The following TTC39B variants were observed in gnomAD, a reference collection of about 807,000 sequenced individuals.
The protein encoded by TTC39B is tetratricopeptide repeat domain 39B, also known as tetratricopeptide repeat protein 39B.
TTC39B carries 92 observed loss-of-function variants against 96.6 expected under a neutral mutation model. The observed-to-expected ratio is 0.95, with a 90% confidence interval of 0.80 to 1.13. TTC39B has a LOEUF of 1.13. Ranked by LOEUF, TTC39B falls within the 50% of genes most tolerant of loss-of-function variation. TTC39B has a pLI of 0.00. For synonymous variants in TTC39B, 367 were observed against 299.4 expected (o/e 1.23, Z -2.33); for missense variants, 955 against 809.3 (o/e 1.18, Z -2.18).
chr9:15,182,127 A>C (rs912885140), intron 17 of TTC39B, among the ~76,000 whole-genome samples, 180 bp downstream of exon 17: 1 of 152,156 alleles, frequency 6.6e-6, no homozygotes, highest in African/African-American at 2.4e-5. Flanking sequence ...AGGTTCATGC[A>C]GTTGCAGTGT....
At chr9:15,190,524 T>C (rs772498387) in intron 11 of TTC39B, 30 bp downstream of exon 11, 1 of 1,588,744 alleles carries the variant, frequency 6.3e-7, no homozygotes, top group Non-Finnish European at 8.6e-7. Flanking sequence ...ACAATCAATG[T>C]TCAATGAAAC....
chr9:15,235,001 G>C (rs1747435427), intron 2 of TTC39B, among the ~76,000 whole-genome samples: 1 of 110,668 alleles, frequency 9.0e-6, no homozygotes, highest in Non-Finnish European at 2.0e-5. Flanking sequence ...ATCCCCCTCT[G>C]TGAGAAACAC....
chr9:15,304,142 G>A (rs980790629), intron 1 of TTC39B, among the ~76,000 whole-genome samples: 1 of 152,142 alleles, frequency 6.6e-6, no homozygotes, highest in Admixed American at 6.5e-5. Flanking sequence ...CCCAATGGTA[G>A]CCCATAAGTA....
intron 1 of TTC39B, among the ~76,000 whole-genome samples, chr9:15,293,943 T>C (rs1177279458): frequency 6.6e-6 from 1 of 152,188 alleles, no homozygotes. Flanking sequence ...GTCACTTTCC[T>C]TTCTCTGTCC....
chr9:15,280,332 C>T (rs1345863167), intron 1 of TTC39B, among the ~76,000 whole-genome samples: 4 of 152,200 alleles, frequency 2.6e-5, no homozygotes, highest in Admixed American at 1.3e-4. Context: ...AAAATATTTA[C>T]GCTGTCCCTT....
chr9:15,288,176 T>C (rs922882742), intron 1 of TTC39B, among the ~76,000 whole-genome samples: 1 of 152,016 alleles, frequency 6.6e-6, no homozygotes, highest in Admixed American at 6.6e-5. Context: ...GAAATACCAA[T>C]ACATCCATAT....
At chr9:15,293,996 C>T (rs1357504006) in intron 1 of TTC39B, among the ~76,000 whole-genome samples, 1 of 152,232 alleles carries the variant, frequency 6.6e-6, no homozygotes, top group Non-Finnish European at 1.5e-5. Context: ...AGTCTCCGAG[C>T]CTGCTCTGGC....
chr9:15,234,774 G>T (rs1209581429), intron 2 of TTC39B, among the ~76,000 whole-genome samples: 1 of 151,660 alleles, frequency 6.6e-6, no homozygotes, highest in Non-Finnish European at 1.5e-5. Context: ...TCCACTCAGG[G>T]TTAAATGGAT....
chr9:15,237,729 C>T (rs979311376), intron 2 of TTC39B, among the ~76,000 whole-genome samples: 4 of 150,186 alleles, frequency 2.7e-5, no homozygotes, highest in East Asian at 3.9e-4. Context: ...AGACAAGCTA[C>T]TACCAATCTT....
At chr9:15,215,828 C>T (rs1030710932) in intron 3 of TTC39B, among the ~76,000 whole-genome samples, 11 of 151,416 alleles carry the variant, frequency 7.3e-5, no homozygotes. Context: ...CATGCCACTG[C>T]ACTCCAGCCT....
At chr9:15,300,750 G>A (rs899625217) in intron 1 of TTC39B, among the ~76,000 whole-genome samples, 1 of 152,020 alleles carries the variant, frequency 6.6e-6, no homozygotes, top group African/African-American at 2.4e-5. Flanking sequence ...GCTGGGCGTG[G>A]TAGCAGGCAC....
chr9:15,225,917 C>G (rs1379605322), exon 3 of TTC39B: 1 of 1,613,438 alleles, frequency 6.2e-7, no homozygotes, highest in Non-Finnish European at 8.5e-7. Context: ...CCTTCCTGAC[C>G]TGCTGACAGT....
rs1378329432 is a variant in TTC39B at position 15,248,966 on chromosome 9, T to C, written c.275+18948A>G. On this transcript the variant is annotated intron_variant, in intron 2 of 19. Transcript: ENST00000512701. ...TTTTGACTACTGATCTCTGAACATA[T>C]CAACTTTTAAAAATCATTTCAGCTA... 5.3e-5 allele frequency: 8 copies of C among 152,160 alleles called. No individual in the cohort carries two copies. In the South Asian group the frequency reaches 1.0e-3, roughly 20 times the overall value. 9.4% of individuals were successfully genotyped at this position (152,160 alleles called of 1,614,324 possible).
At chr9:15,169,018 A>G (rs2118341574) in exon 20 of TTC39B, 1 of 152,278 alleles carries the variant, frequency 6.6e-6, no homozygotes, top group South Asian at 2.1e-4. Context: ...GAGTGACCTC[A>G]AAGTTCAACT....
At chr9:15,286,806 T>C (rs1272603637) in intron 1 of TTC39B, among the ~76,000 whole-genome samples, 1 of 152,196 alleles carries the variant, frequency 6.6e-6, no homozygotes, top group Non-Finnish European at 1.5e-5. Context: ...GTTATTTCTT[T>C]ATCATCCATA....
Position 15,298,203 on chromosome 9 carries a change from G to A in TTC39B, c.240+8881C>T, listed in dbSNP as rs915986543. 4.6e-5 allele frequency among the ~76,000 whole-genome samples: 7 copies of A among 152,136 alleles called. No individual in the cohort carries two copies. The South Asian group carries it at 1.0e-3, about 23-fold the overall frequency. On this transcript the variant is annotated intron_variant, in intron 1 of 19. Coordinates refer to ENST00000512701, the Ensembl canonical transcript of TTC39B. ...CAGAACTTGCACCTGTAGTCCCCCA[G>A]GTTCTGAAGCCTTCATCCTCAGACT... is the stretch of plus-strand genomic sequence containing the variant.
At chr9:15,271,327 C>T (rs115932217) in intron 1 of TTC39B, among the ~76,000 whole-genome samples, 2,181 of 152,142 alleles carry the variant, frequency 0.014, 63 homozygotes, top group African/African-American at 0.049. Flanking sequence ...TTTTTAGTGG[C>T]GAAAAAGACT....
chr9:15,306,577 T>C lies in TTC39B; in HGVS notation c.240+507A>G, dbSNP rs1328009562. Among the ~76,000 whole-genome samples, 2 of 152,160 alleles carry C rather than the reference T, an allele frequency of 1.3e-5. No individual in the cohort carries two copies. Among genetic ancestry groups the C allele is most frequent in the African/African-American group, 2.4e-5 (1 of 41,452 alleles). On this transcript the variant is annotated intron_variant, in intron 1 of 19. Coordinates refer to ENST00000512701, the Ensembl canonical transcript of TTC39B. The surrounding 1 kb of genome is among the most constrained non-coding windows in gnomAD (Gnocchi z 5.1). The stretch of plus-strand genomic sequence containing the variant: ...GTCGCGGCAGGTACCCCTCTACTCA[T>C]TGTTCCTCAGGCTGCCCCCTCTTTT...
intron 7 of TTC39B, among the ~76,000 whole-genome samples, chr9:15,203,083 T>TA (rs1222812862): frequency 2.0e-5 from 3 of 152,210 alleles, no homozygotes; most frequent in Non-Finnish European, 4.4e-5. Flanking sequence ...TATGCATGCA[T>TA]AACTGAACTT....
Sources: allele counts gnomAD v4.1 joint callset (sites outside exome capture counted in the v4.1 genomes callset), GRCh38; gene constraint gnomAD v4.1.1; non-coding constraint Gnocchi (gnomAD v3.1); transcripts MANE v1.5; gene names NCBI Gene and HGNC (gene_info 2026-07-23, HGNC 2026-07-21).